NPSR1: variants seen among roughly 807,000 people sequenced by gnomAD.
NPSR1 encodes the protein neuropeptide S receptor.
A neutral mutation model predicts 46.9 loss-of-function variants in NPSR1; 48 were observed. That is an observed-to-expected ratio of 1.02 (90% CI 0.81 to 1.30). The LOEUF (loss-of-function observed/expected upper bound fraction) is 1.30. Ranked by LOEUF, NPSR1 falls within the 50% of genes most tolerant of loss-of-function variation. NPSR1 has a pLI of 0.00. For missense variants in NPSR1, 450 were observed against 449.5 expected (o/e 1.00, Z -0.01); for synonymous variants, 176 against 168.1 (o/e 1.05, Z -0.36).
intron 3 of NPSR1, among the ~76,000 whole-genome samples, chr7:34,811,273 G>C (rs903845425): frequency 1.3e-5 from 2 of 152,120 alleles, no homozygotes; most frequent in African/African-American, 4.8e-5. Context: ...ACTGGAAGGG[G>C]GATGGAGTGG....
chr7:34,744,754 T>G (rs1330699499), intron 2 of NPSR1, among the ~76,000 whole-genome samples: 1 of 152,226 alleles, frequency 6.6e-6, no homozygotes, highest in Non-Finnish European at 1.5e-5. Context: ...GCTATGACAT[T>G]GTTTGACAAG....
intron 1 of NPSR1, among the ~76,000 whole-genome samples, chr7:34,683,953 C>A (rs17169978): frequency 0.019 from 2,913 of 152,218 alleles, 41 homozygotes; most frequent in African/African-American, 0.038. Flanking sequence ...GTCAAATGAA[C>A]AAAAGATAAC....
intron 8 of NPSR1, among the ~76,000 whole-genome samples, chr7:34,866,087 G>A (rs187842827): frequency 6.6e-6 from 1 of 151,800 alleles, no homozygotes; most frequent in Non-Finnish European, 1.5e-5. Context: ...TGCCATGCTT[G>A]TAGTCCCTAC....
rs753015839 is a variant in NPSR1 at position 34,708,556 on chromosome 7, C to T, written c.280+23872C>T. On this transcript the variant is annotated intron_variant, in intron 2 of 8. Transcript: ENST00000360581. ...CCAGTGCAAATGCTATGAGGGAAAA[C>T]GACAGAGTCCCAAACATGCTGGAGC... is the stretch of plus-strand genomic sequence containing the variant. Among the ~76,000 whole-genome samples the T allele has an allele frequency of 1.2e-4, 18 of 152,078 alleles. 1 individual carries two copies. The highest frequency in any genetic ancestry group is 5.9e-4 in the Admixed American group (9 of 15,270).
chr7:34,775,262 C>T (rs73111574), intron 2 of NPSR1, among the ~76,000 whole-genome samples: 22,459 of 152,076 alleles, frequency 0.15, 2,192 homozygotes, highest in East Asian at 0.32. Context: ...AAGCAGAAAA[C>T]GAATATTATT....
At chr7:34,819,174 A>AC (rs1789420551) in intron 4 of NPSR1, among the ~76,000 whole-genome samples, 1 of 152,174 alleles carries the variant, frequency 6.6e-6, no homozygotes, top group Admixed American at 6.5e-5. Context: ...TACCCATCTG[A>AC]AAAGGGCTAA....
intron 3 of NPSR1, among the ~76,000 whole-genome samples, chr7:34,789,186 C>T (rs1787604863): frequency 6.6e-6 from 1 of 151,824 alleles, no homozygotes; most frequent in African/African-American, 2.4e-5. Flanking sequence ...TAAATACCTA[C>T]ATCAAACAAA....
chr7:34,827,309 G>T, intron 4 of NPSR1, 92 bp from the exon 5 acceptor site: 6 of 1,055,202 alleles, frequency 5.7e-6, no homozygotes, highest in Non-Finnish European at 8.6e-6. Flanking sequence ...CAGGGTGGCT[G>T]CCCCACAGTG....
intron 3 of NPSR1, among the ~76,000 whole-genome samples, chr7:34,799,666 C>CAA (rs921792800): frequency 8.2e-5 from 12 of 146,000 alleles, no homozygotes; most frequent in Non-Finnish European, 1.3e-4. Flanking sequence ...AACTAACGAG[C>CAA]AAAATAACCA....
intron 4 of NPSR1, among the ~76,000 whole-genome samples, chr7:34,819,702 A>C (rs1437927077): frequency 6.6e-6 from 1 of 152,252 alleles, no homozygotes; most frequent in East Asian, 1.9e-4. Context: ...CTGGATTAAG[A>C]AAATATGGCA....
chr7:34,835,324 A>G (rs1027027614), intron 6 of NPSR1, among the ~76,000 whole-genome samples: 1 of 152,140 alleles, frequency 6.6e-6, no homozygotes, highest in African/African-American at 2.4e-5. Flanking sequence ...AACAATGCAT[A>G]CTCACACTTA....
intron 8 of NPSR1, among the ~76,000 whole-genome samples, chr7:34,867,568 C>T (rs1351974627): frequency 1.3e-5 from 2 of 151,890 alleles, no homozygotes; most frequent in South Asian, 2.1e-4. Context: ...TCCAAGTCCC[C>T]GTGACTCACA....
intron 1 of NPSR1, among the ~76,000 whole-genome samples, chr7:34,673,514 T>C (rs1792162853): frequency 6.6e-6 from 1 of 152,156 alleles, no homozygotes; most frequent in Non-Finnish European, 1.5e-5. Flanking sequence ...GACTCTCAGT[T>C]CACAACTACT....
At chr7:34,669,900 A>T (rs1356687664) in intron 1 of NPSR1, among the ~76,000 whole-genome samples, 4 of 152,178 alleles carry the variant, frequency 2.6e-5, no homozygotes, top group African/African-American at 9.7e-5. Flanking sequence ...AAAAAACGAG[A>T]GTGTTTTATA....
chr7:34,810,431 C>T (rs1011565128), intron 3 of NPSR1, among the ~76,000 whole-genome samples: 1 of 152,054 alleles, frequency 6.6e-6, no homozygotes, highest in African/African-American at 2.4e-5. Flanking sequence ...AAAGATTGTA[C>T]ACAGATAATT....
intron 7 of NPSR1, among the ~76,000 whole-genome samples, 200 bp downstream of exon 7, chr7:34,845,182 A>C (rs1305984252): frequency 2.0e-5 from 3 of 152,188 alleles, no homozygotes; most frequent in Admixed American, 6.5e-5. Context: ...TCTCCTTATG[A>C]ATACAGCTGC....
intron 2 of NPSR1, among the ~76,000 whole-genome samples, chr7:34,759,597 C>T (rs1445341221): frequency 6.6e-6 from 1 of 151,662 alleles, no homozygotes; most frequent in African/African-American, 2.4e-5. Context: ...AGGAATCAGC[C>T]ATCTCCAATG....
At chr7:34,789,100 A>T (rs965848981) in intron 3 of NPSR1, among the ~76,000 whole-genome samples, 4 of 152,064 alleles carry the variant, frequency 2.6e-5, no homozygotes, top group African/African-American at 9.7e-5. Context: ...TCTTAAGATA[A>T]ATGAAAATGA....
At chr7:34,732,261 A>G (rs886196455) in intron 2 of NPSR1, among the ~76,000 whole-genome samples, 2 of 152,124 alleles carry the variant, frequency 1.3e-5, no homozygotes, top group Admixed American at 6.5e-5. Flanking sequence ...AAAAGAAAGG[A>G]CACATTTCTC....
Sources: allele counts gnomAD v4.1 joint callset (sites outside exome capture counted in the v4.1 genomes callset), GRCh38; gene constraint gnomAD v4.1.1; transcripts MANE v1.5; gene names NCBI Gene and HGNC (gene_info 2026-07-23, HGNC 2026-07-21).